WDR27: variants seen among roughly 807,000 people sequenced by gnomAD.
WDR27 encodes WD repeat-containing protein 27.
Under a neutral mutation model 114.4 loss-of-function variants are expected in WDR27, and 100 were observed. That is an observed-to-expected ratio of 0.87 (90% CI 0.74 to 1.03). WDR27 has a LOEUF of 1.03. Ranked by LOEUF, WDR27 falls within the 50% of genes least tolerant of loss-of-function variation. The pLI, the probability that WDR27 is intolerant of heterozygous loss-of-function variation, is 0.00. For missense variants in WDR27, 1,129 were observed against 1,092.9 expected, an observed-to-expected ratio of 1.03 and a Z score of -0.47; for synonymous variants, 449 against 423.1, an observed-to-expected ratio of 1.06 and a Z score of -0.75.
At chr6:169,451,816 T>C in the WDR27 span, among the ~76,000 whole-genome samples, 4,134 of 152,342 alleles carry the variant, frequency 0.027, 97 homozygotes, top group Middle Eastern at 0.044. Context: ...TATTGTCATA[T>C]ATGTGTCTTC....
intron 25 of WDR27, chr6:169,559,329 T>G (rs375350808): frequency 2.0e-5 from 3 of 152,332 alleles, no homozygotes; most frequent in South Asian, 4.1e-4. Flanking sequence ...TGCTAGAATC[T>G]GCAGAACATT....
intron 25 of WDR27, among the ~76,000 whole-genome samples, chr6:169,520,940 T>C (rs972563758): frequency 2.6e-5 from 4 of 151,990 alleles, no homozygotes; most frequent in Non-Finnish European, 5.9e-5. Flanking sequence ...GTTGAACAAG[T>C]TGAACAAGAA....
In WDR27 at chr6:169,642,438, C is replaced by A. The variant is rs556638264; in HGVS notation, c.1747+1259G>T. Among the ~76,000 whole-genome samples, 35 of 152,302 alleles carry A rather than the reference C, an allele frequency of 2.3e-4. No homozygotes were observed. In the East Asian group the frequency reaches 2.9e-3, roughly 13 times the overall value. ...AAACACCCACAGTCAACAGAACAAC[C>A]ACTCATATCAACTATTCAGCCACGA... On this transcript the variant is annotated intron_variant, in intron 17 of 25. Coordinates refer to ENST00000448612, the MANE Select transcript of WDR27 (RefSeq NM_182552.5).
At chr6:169,640,999 C>T (rs1819006906) in intron 17 of WDR27, among the ~76,000 whole-genome samples, 1 of 152,208 alleles carries the variant, frequency 6.6e-6, no homozygotes, top group African/African-American at 2.4e-5. Flanking sequence ...ATGTGTTTTT[C>T]TCGTCCTTCC....
chr6:169,465,833 TACAG>T (rs1018869508), intron 25 of WDR27, among the ~76,000 whole-genome samples: 24 of 152,124 alleles, frequency 1.6e-4, no homozygotes, highest in African/African-American at 5.1e-4. Flanking sequence ...AAATCAGAGA[TACAG>T]GAAGTAGAAT....
At chr6:169,681,769 A>G (rs1781576900) in intron 2 of WDR27, among the ~76,000 whole-genome samples, 1 of 152,124 alleles carries the variant, frequency 6.6e-6, no homozygotes, top group Non-Finnish European at 1.5e-5. Flanking sequence ...GCAACCTGGG[A>G]GTCTCAGCCC....
intron 25 of WDR27, among the ~76,000 whole-genome samples, chr6:169,541,763 T>A (rs755398662): frequency 1.3e-5 from 2 of 152,170 alleles, no homozygotes; most frequent in Admixed American, 6.5e-5. Context: ...TTATACTCTA[T>A]CCAAGAAGTA....
intron 2 of WDR27, among the ~76,000 whole-genome samples, chr6:169,686,194 G>C (rs1371726274): frequency 2.0e-5 from 3 of 152,112 alleles, no homozygotes; most frequent in Admixed American, 2.0e-4. Context: ...ATGCTCAAGG[G>C]AGTCTTTTAT....
At chr6:169,492,257 CA>C (rs1352305079) in intron 25 of WDR27, among the ~76,000 whole-genome samples, 1 of 149,248 alleles carries the variant, frequency 6.7e-6, no homozygotes, top group Non-Finnish European at 1.5e-5. Flanking sequence ...CTCGCCTAGA[CA>C]AAACACATTT....
chr6:169,625,428 G>A (rs1272860076), intron 21 of WDR27, among the ~76,000 whole-genome samples: 1 of 152,232 alleles, frequency 6.6e-6, no homozygotes, highest in Non-Finnish European at 1.5e-5. Context: ...AGGCCTCCTG[G>A]GGTGGTGGTG....
chr6:169,455,411 T>C (rs988360380), downstream of WDR27, among the ~76,000 whole-genome samples: 2 of 152,250 alleles, frequency 1.3e-5, no homozygotes, highest in Admixed American at 1.3e-4. Context: ...TTTTTATTAC[T>C]ACCTTTTGAT....
At chr6:169,667,086 G>C (rs1828028357) in intron 6 of WDR27, 50 bp downstream of exon 6, 3 of 1,458,194 alleles carry the variant, frequency 2.1e-6, no homozygotes, top group Non-Finnish European at 2.7e-6. Context: ...TCTAGAAAAA[G>C]TGGGTTACAC....
chr6:169,664,782 T>C (rs1827309331), intron 7 of WDR27: 4 of 994,548 alleles, frequency 4.0e-6, no homozygotes, highest in South Asian at 4.5e-5. Context: ...AAAAAATGTT[T>C]TGAAAAAGGC....
At chr6:169,461,018 T>C (rs1173383775) in intron 25 of WDR27, among the ~76,000 whole-genome samples, 1 of 150,420 alleles carries the variant, frequency 6.6e-6, no homozygotes, top group Non-Finnish European at 1.5e-5. Context: ...TCAAAAAGGC[T>C]AAAAGAAACA....
intron 19 of WDR27, among the ~76,000 whole-genome samples, chr6:169,635,551 T>G (rs1411825976): frequency 1.3e-5 from 2 of 151,814 alleles, no homozygotes; most frequent in African/African-American, 4.8e-5. Context: ...TAGATGAGAG[T>G]GGGGATGCTC....
At chr6:169,673,774 T>C (rs920990565) in intron 2 of WDR27, among the ~76,000 whole-genome samples, 5 of 152,176 alleles carry the variant, frequency 3.3e-5, no homozygotes, top group Non-Finnish European at 5.9e-5. Flanking sequence ...TACAAAGTAA[T>C]TTTGTGATAC....
chr6:169,644,165 G>C (rs56108827), intron 16 of WDR27, among the ~76,000 whole-genome samples: 5,385 of 73,146 alleles, frequency 0.074, 2 homozygotes, highest in East Asian at 0.2. Context: ...CTGTAGAAAA[G>C]CCTAGTTCAC....
At chr6:169,638,777 AG>A in intron 17 of WDR27, 117 bp from the exon 18 acceptor site, 3 of 1,315,236 alleles carry the variant, frequency 2.3e-6, no homozygotes, top group Non-Finnish European at 3.1e-6. Context: ...TCAAGTAATT[AG>A]GGGCGCGCCA....
At chr6:169,509,666 C>T (rs1792506698) in intron 25 of WDR27, among the ~76,000 whole-genome samples, 2 of 151,770 alleles carry the variant, frequency 1.3e-5, no homozygotes, top group South Asian at 4.2e-4. Context: ...AGACCTAAAA[C>T]CATAAAAACC....
Sources: allele counts gnomAD v4.1 joint callset (sites outside exome capture counted in the v4.1 genomes callset), GRCh38; gene constraint gnomAD v4.1.1; transcripts MANE v1.5; gene names NCBI Gene and HGNC (gene_info 2026-07-23, HGNC 2026-07-21).